Variants in WDR37 observed in about 807,000 individuals in gnomAD.
The protein encoded by WDR37 is WD repeat-containing protein 37.
A neutral mutation model predicts 62.9 loss-of-function variants in WDR37; 19 were observed. The observed-to-expected ratio is 0.30, with a 90% CI of 0.21 to 0.44. WDR37 has a LOEUF of 0.44. Ranked by LOEUF, WDR37 falls within the 20% of genes least tolerant of loss-of-function variation. The pLI is 1.00. For missense variants in WDR37, 474 were observed against 657.6 expected (o/e 0.72, Z 3.05); for synonymous variants, 250 against 260.9 (o/e 0.96, Z 0.40).
chr10:1,119,055 G>C (rs1835492042), intron 11 of WDR37, among the ~76,000 whole-genome samples: 1 of 152,224 alleles, frequency 6.6e-6, no homozygotes, highest in Non-Finnish European at 1.5e-5. Context: ...AAAAACATGA[G>C]TGCATCGGCG....
chr10:1,123,747 A>G (rs764808464), intron 11 of WDR37: 1 of 152,786 alleles, frequency 6.5e-6, no homozygotes, highest in Non-Finnish European at 1.5e-5. Flanking sequence ...AATTGTTGTC[A>G]GAGTGTTTTT....
At chr10:1,074,226 G>T in intron 2 of WDR37, 1 of 654,704 alleles carries the variant, frequency 1.5e-6, no homozygotes, top group Non-Finnish European at 1.9e-6. Flanking sequence ...ATTTCTAGCA[G>T]TGGAAACCCT....
rs988366769 is a variant in WDR37, at chr10:1,125,925, C to G, written c.1353+901C>G. ...CCACCCGTCCTGGTTGCCTGGAAGG[C>G]GCAAAGAGAATCGAGACTCCATGGC... On this transcript the variant is annotated intron_variant, in intron 13 of 13. Transcript: ENST00000263150. Among the ~76,000 whole-genome samples, 12 of 152,324 alleles carry G rather than the reference C, an allele frequency of 7.9e-5. No individual in the cohort carries two copies. In the South Asian group the frequency reaches 2.5e-3, roughly 32 times the overall value.
At chr10:1,101,227 C>CT (rs1213520717) in intron 9 of WDR37, among the ~76,000 whole-genome samples, 2 of 152,224 alleles carry the variant, frequency 1.3e-5, no homozygotes, top group African/African-American at 4.8e-5. Context: ...AGGGTGACTT[C>CT]TGAACAACAG....
In WDR37 at chr10:1,131,731, T is replaced by TTA. The variant is rs1835953525; in HGVS notation, c.*2388_*2389dup. 6.6e-6 allele frequency: 1 copy of TTA among 152,184 alleles called. No individual in the cohort carries two copies. The allele number at this position is 152,184 out of a possible 1,614,324, so 9.4% of individuals were successfully genotyped here. A position where few individuals can be genotyped will look rare whatever the true frequency, so the allele number is the denominator to read the frequency against. On this transcript the variant is annotated 3_prime_UTR_variant, in exon 14 of 14. Coordinates refer to ENST00000263150, the MANE Select transcript of WDR37 (RefSeq NM_014023.4). ...GTGTGTGCACGTGTGTGTGGCTAAA[T>TTA]TAAGTCATACTGTCAACCACACGTG...
At chr10:1,076,678 C>CA (rs746636401) in intron 2 of WDR37, among the ~76,000 whole-genome samples, 1,290 of 73,364 alleles carry the variant, frequency 0.018, 43 homozygotes, top group Admixed American at 0.11. Flanking sequence ...GACTCCATCT[C>CA]AAAAAAAAAA....
At chr10:1,092,245 G>T (rs879808363) in intron 7 of WDR37, among the ~76,000 whole-genome samples, 1 of 151,192 alleles carries the variant, frequency 6.6e-6, no homozygotes, top group East Asian at 2.0e-4. Flanking sequence ...GGTGGCTCAC[G>T]CCTGTAATCC....
At chr10:1,096,076 G>C (rs1235778289) in intron 8 of WDR37, 94 bp from the exon 9 acceptor site, 3 of 1,216,302 alleles carry the variant, frequency 2.5e-6, no homozygotes, top group East Asian at 2.3e-5. Context: ...AAGCTGGAAA[G>C]GTCTGACTGC....
Position 1,105,095 on chromosome 10 carries a change from A to G in WDR37, c.962-31A>G. 1 of 1,612,454 alleles carries G rather than the reference A, an allele frequency of 6.2e-7. No individual in the cohort carries two copies. Among genetic ancestry groups the G allele is most frequent in the East Asian group, 2.2e-5 (1 of 44,788 alleles). The stretch of plus-strand genomic sequence containing the variant: ...TCTCTCTCAGCGTGCTCCTCAGGTG[A>G]TGACCTTGTGTTTTGCCATCTTGGT... On this transcript the variant is annotated intron_variant, in intron 10 of 13. Coordinates refer to ENST00000263150, the MANE Select transcript of WDR37 (RefSeq NM_014023.4). The surrounding 1 kb of genome is among the most constrained non-coding windows in gnomAD (Gnocchi z 5.3).
chr10:1,127,389 A>C (rs1299719249), intron 13 of WDR37, among the ~76,000 whole-genome samples: 1 of 152,222 alleles, frequency 6.6e-6, no homozygotes, highest in East Asian at 1.9e-4. Context: ...ATTTAACTTT[A>C]TTTAGAACTT....
At chr10:1,072,359 C>G in intron 2 of WDR37, 66 bp downstream of exon 2, 1 of 1,589,410 alleles carries the variant, frequency 6.3e-7, no homozygotes, top group South Asian at 1.1e-5. Flanking sequence ...CGCTCGTTTC[C>G]CCGGCTGGAG....
intron 2 of WDR37, among the ~76,000 whole-genome samples, chr10:1,072,993 G>A (rs1755883372): frequency 1.3e-5 from 2 of 152,126 alleles, no homozygotes; most frequent in Admixed American, 6.5e-5. Context: ...ATCTTTTAGT[G>A]ACTTTGCTTA....
rs1834892036 is a variant in WDR37 at position 1,103,488 on chromosome 10, T to C, written c.727-114T>C. On this transcript the variant is annotated intron_variant, in intron 9 of 13. Transcript: ENST00000263150. The surrounding 1 kb of genome is among the most constrained non-coding windows in gnomAD (Gnocchi z 6.3). Reference sequence around the variant, plus strand: ...ACCAGGCTCCTAGTGGTGACCATCATGATGGATATGTCCTCAAGAGATTAA... The same window carrying C: ...ACCAGGCTCCTAGTGGTGACCATCACGATGGATATGTCCTCAAGAGATTAA... 2 of 1,139,362 alleles carry C rather than the reference T, an allele frequency of 1.8e-6. No homozygotes were observed. The highest frequency in any genetic ancestry group is 2.5e-6 in the Non-Finnish European group (2 of 800,148). 70.6% of individuals were successfully genotyped at this position (1,139,362 alleles called of 1,614,324 possible).
intron 12 of WDR37, 23 bp downstream of exon 12, chr10:1,124,375 G>A (rs1835675095): frequency 1.2e-6 from 2 of 1,613,856 alleles, no homozygotes; most frequent in African/African-American, 2.7e-5. Context: ...TGTTGGTTAA[G>A]TAAGTGGCTT....
rs150574605 is a variant in WDR37 at position 1,126,176 on chromosome 10, C to T, written c.1353+1152C>T. ...ATCGTAGCACTTTGGGAGGCTGAGG[C>T]GGGCAGATCACGAGGTCAGGAGATC... is the stretch of plus-strand genomic sequence containing the variant. On this transcript the variant is annotated intron_variant, in intron 13 of 13. Transcript: ENST00000263150. Among the ~76,000 whole-genome samples, 402 of 152,104 alleles carry T rather than the reference C, an allele frequency of 2.6e-3. 4 individuals carry two copies. The East Asian group carries it at 0.042, about 16-fold the overall frequency.
rs71376884 is a variant in WDR37 at position 1,064,583 on chromosome 10, CTTTTTTTTTTTTTTTTT to C, written c.-40-7519_-40-7503del. ...GGAAACAATTTGAGTGACAATGGAT[CTTTTTTTTTTTTTTTTT>C]TTTTTTTTTTTTTGAGATGGAATCT... On this transcript the variant is annotated intron_variant, in intron 1 of 13. Coordinates refer to ENST00000263150, the MANE Select transcript of WDR37 (RefSeq NM_014023.4). Among the ~76,000 whole-genome samples, 21 of 70,496 alleles carry C rather than the reference CTTTTTTTTTTTTTTTTT, an allele frequency of 3.0e-4. 2 individuals carry two copies. In the Admixed American group the frequency reaches 4.4e-3, roughly 15 times the overall value. 46.2% of individuals were successfully genotyped at this position (70,496 alleles called of 152,430 possible). A position where few individuals can be genotyped will look rare whatever the true frequency, so the allele number is the denominator to read the frequency against.
intron 8 of WDR37, among the ~76,000 whole-genome samples, chr10:1,093,751 C>T (rs1834477468): frequency 6.6e-6 from 1 of 152,196 alleles, no homozygotes; most frequent in South Asian, 2.1e-4. Flanking sequence ...CCTTTCCGTA[C>T]AGCATCAGTA....
intron 4 of WDR37, 40 bp from the exon 5 acceptor site, chr10:1,080,372 T>C (rs1437201776): frequency 1.9e-6 from 3 of 1,613,066 alleles, no homozygotes; most frequent in Non-Finnish European, 2.5e-6. Context: ...AGGTCTTTGA[T>C]TGTGTGATTG....
rs1156448161 is a variant in WDR37 at position 1,129,429 on chromosome 10, T to C, written c.*85T>C. On this transcript the variant is annotated 3_prime_UTR_variant, in exon 14 of 14. Transcript: ENST00000263150. ...TTTTCTGCGTATTAATCAGCCATTT[T>C]TGTGAGAGTTTGACCCTGGAAAGGG... The C allele has an allele frequency of 3.2e-6, 5 of 1,569,124 alleles. No homozygotes were observed. Among genetic ancestry groups the C allele is most frequent in the Non-Finnish European group, 4.3e-6 (5 of 1,151,770 alleles).
Sources: gnomAD v4.1 joint callset for allele counts (sites outside exome capture counted in the v4.1 genomes callset) on GRCh38, gnomAD v4.1.1 for gene constraint, Gnocchi (gnomAD v3.1) non-coding constraint, MANE v1.5 for transcripts, NCBI Gene and HGNC (gene_info 2026-07-23, HGNC 2026-07-21) for gene names.